The following LINGO2 variants were observed in gnomAD, a reference collection of about 807,000 sequenced individuals.
The protein encoded by LINGO2 is leucine rich repeat and Ig domain containing 2.
Under a neutral mutation model 30.6 loss-of-function variants are expected in LINGO2, and 14 were observed. That is an observed-to-expected ratio of 0.46 (90% CI 0.30 to 0.72). The LOEUF (loss-of-function observed/expected upper bound fraction) is 0.72. Ranked by LOEUF, LINGO2 falls within the 30% of genes least tolerant of loss-of-function variation. The pLI, the probability that LINGO2 is intolerant of heterozygous loss-of-function variation, is 0.07. For synonymous variants in LINGO2, 317 were observed against 288.5 expected, an observed-to-expected ratio of 1.10 and a Z score of -1.00; for missense variants, 729 against 751.7, an observed-to-expected ratio of 0.97 and a Z score of 0.35.
intron 1 of LINGO2, among the ~76,000 whole-genome samples, chr9:28,531,384 A>G (rs571674431): frequency 6.6e-6 from 1 of 152,162 alleles, no homozygotes; most frequent in African/African-American, 2.4e-5. Context: ...TTTCAACACT[A>G]TAACATTCCA....
At chr9:28,064,812 A>T (rs545071607) in intron 4 of LINGO2, among the ~76,000 whole-genome samples, 2 of 152,194 alleles carry the variant, frequency 1.3e-5, no homozygotes, top group African/African-American at 4.8e-5. Flanking sequence ...TGCCTTTGCC[A>T]ACTGGCATGT....
chr9:29,114,370 A>T, the LINGO2 span, among the ~76,000 whole-genome samples: 1 of 140,694 alleles, frequency 7.1e-6, no homozygotes, highest in African/African-American at 2.6e-5. Flanking sequence ...GTAACAGAGC[A>T]TTTTTTTCTT....
At position 28,047,448 on chromosome 9, in the gene LINGO2, C is replaced by A. The variant is rs140921031; in HGVS notation, c.-86-35043G>T. Among the ~76,000 whole-genome samples, 57 of 151,420 alleles carry A rather than the reference C, an allele frequency of 3.8e-4. 3 individuals carry two copies. The highest frequency in any genetic ancestry group is 3.7e-3 in the Admixed American group (56 of 15,158). On this transcript the variant is annotated intron_variant, in intron 4 of 5. Coordinates refer to ENST00000379992, the Ensembl canonical transcript of LINGO2. Reference sequence around the variant, plus strand: ...TTTCCAGTTGAAATATTAACTATAGCACAGTAACTTTTTATTCAACATTTT... The same window carrying A: ...TTTCCAGTTGAAATATTAACTATAGAACAGTAACTTTTTATTCAACATTTT...
intron 2 of LINGO2, among the ~76,000 whole-genome samples, chr9:28,400,904 T>C (rs1822236478): frequency 1.3e-5 from 2 of 152,152 alleles, no homozygotes; most frequent in Admixed American, 1.3e-4. Context: ...AAGATATATT[T>C]TAATTTTTTA....
chr9:28,312,430 T>G (rs62555392), intron 3 of LINGO2, among the ~76,000 whole-genome samples: 34,999 of 151,938 alleles, frequency 0.23, 4,555 homozygotes, highest in Non-Finnish European at 0.3. Context: ...TATTAAAATT[T>G]TCAGGAAAAA....
the LINGO2 span, among the ~76,000 whole-genome samples, chr9:28,992,696 C>G: frequency 5.3e-5 from 8 of 152,074 alleles, no homozygotes; most frequent in Admixed American, 2.0e-4. Flanking sequence ...AACTAGAACT[C>G]AGGATTAAGA....
chr9:28,380,390 G>T (rs78720602), intron 2 of LINGO2, among the ~76,000 whole-genome samples: 7,664 of 144,798 alleles, frequency 0.053, 298 homozygotes, highest in East Asian at 0.21. Context: ...GACTATAAAG[G>T]TTTTTTTTTT....
intron 2 of LINGO2, among the ~76,000 whole-genome samples, chr9:28,463,471 G>C (rs576859125): frequency 1.2e-3 from 187 of 152,158 alleles, no homozygotes; most frequent in Non-Finnish European, 2.0e-3. Flanking sequence ...GGATAGTCTG[G>C]ATTATAGGTA....
At chr9:28,403,576 TATC>T (rs1822360451) in intron 2 of LINGO2, among the ~76,000 whole-genome samples, 2 of 152,136 alleles carry the variant, frequency 1.3e-5, no homozygotes, top group South Asian at 2.1e-4. Flanking sequence ...CTTCTAAACT[TATC>T]GAGGCCCTAC....
intron 4 of LINGO2, among the ~76,000 whole-genome samples, chr9:28,016,328 G>A (rs1055134042): frequency 6.6e-6 from 1 of 152,032 alleles, no homozygotes; most frequent in Non-Finnish European, 1.5e-5. Context: ...CAAATACTTA[G>A]GTCAGGCTAT....
the LINGO2 span, among the ~76,000 whole-genome samples, chr9:28,880,176 T>C: frequency 6.6e-6 from 1 of 152,176 alleles, no homozygotes; most frequent in African/African-American, 2.4e-5. Flanking sequence ...TGGCACGATC[T>C]TTGTTCACTG....
the LINGO2 span, among the ~76,000 whole-genome samples, chr9:28,882,467 A>G: frequency 1.3e-5 from 2 of 152,200 alleles, no homozygotes; most frequent in Admixed American, 1.3e-4. Context: ...AACTAATGGT[A>G]GCCATCTGTA....
chr9:29,039,038 A>G, the LINGO2 span, among the ~76,000 whole-genome samples: 1 of 152,154 alleles, frequency 6.6e-6, no homozygotes, highest in Non-Finnish European at 1.5e-5. Context: ...TGAGTGTATT[A>G]TAGACTGTCT....
At chr9:28,565,351 G>C (rs10968655) in intron 1 of LINGO2, among the ~76,000 whole-genome samples, 32,129 of 148,274 alleles carry the variant, frequency 0.22, 3,716 homozygotes, top group East Asian at 0.34. Context: ...CCACGCCCGG[G>C]TAATTTTTTG....
intron 4 of LINGO2, among the ~76,000 whole-genome samples, chr9:28,291,704 A>G (rs1408793531): frequency 1.3e-5 from 2 of 152,240 alleles, no homozygotes; most frequent in African/African-American, 4.8e-5. Flanking sequence ...CAGAGGCTCG[A>G]TAATTGTGGG....
intron 4 of LINGO2, among the ~76,000 whole-genome samples, chr9:28,141,357 G>T (rs773672776): frequency 2.6e-5 from 4 of 152,200 alleles, no homozygotes; most frequent in Non-Finnish European, 4.4e-5. Context: ...TGGTGTGTTT[G>T]TAACAAGACT....
At chr9:28,757,230 C>T in the LINGO2 span, among the ~76,000 whole-genome samples, 2 of 152,048 alleles carry the variant, frequency 1.3e-5, no homozygotes, top group Admixed American at 6.5e-5. Flanking sequence ...TGGCATAGTA[C>T]TTATGACTCA....
At chr9:28,156,922 C>A (rs191422140) in intron 4 of LINGO2, among the ~76,000 whole-genome samples, 2 of 152,326 alleles carry the variant, frequency 1.3e-5, no homozygotes, top group Admixed American at 6.5e-5. Context: ...GGCAGCTCCA[C>A]CCCTGTGGCT....
At chr9:28,274,455 A>G (rs1823047769) in intron 4 of LINGO2, among the ~76,000 whole-genome samples, 2 of 152,330 alleles carry the variant, frequency 1.3e-5, no homozygotes, top group South Asian at 4.1e-4. Context: ...TAACTTGGAA[A>G]TTCCCCTCAT....
Sources: allele counts gnomAD v4.1 joint callset (sites outside exome capture counted in the v4.1 genomes callset), GRCh38; gene constraint gnomAD v4.1.1; transcripts MANE v1.5; gene names NCBI Gene and HGNC (gene_info 2026-07-23, HGNC 2026-07-21).